CSMD1: variants seen among roughly 807,000 people sequenced by gnomAD.
CSMD1 encodes CUB and Sushi multiple domains 1, also known as CUB and sushi domain-containing protein 1.
CSMD1 carries 213 observed loss-of-function variants against 417.5 expected under a neutral mutation model. That is an observed-to-expected ratio of 0.51 (90% CI 0.46 to 0.57). CSMD1 has a LOEUF of 0.57. Among genes scored for constraint, CSMD1 ranks in the 20% least tolerant of loss-of-function variants. CSMD1 has a pLI of 0.00. For synonymous variants in CSMD1, 2,862 were observed against 1,736.8 expected (o/e 1.65, Z -16.11); for missense variants, 6,923 against 4,529.7 (o/e 1.53, Z -15.17).
intron 5 of CSMD1, among the ~76,000 whole-genome samples, chr8:3,845,870 A>G (rs935469624): frequency 1.3e-5 from 2 of 151,902 alleles, no homozygotes; most frequent in African/African-American, 2.4e-5. Flanking sequence ...GTTAAAAATG[A>G]AGACACAAAC....
At chr8:4,183,232 C>G (rs1270947226) in intron 3 of CSMD1, among the ~76,000 whole-genome samples, 1 of 152,008 alleles carries the variant, frequency 6.6e-6, no homozygotes, top group Non-Finnish European at 1.5e-5. Flanking sequence ...TGGAGAAGAT[C>G]ATCTCTAAGA....
intron 26 of CSMD1, among the ~76,000 whole-genome samples, chr8:3,243,978 T>G (rs907601969): frequency 2.0e-5 from 3 of 152,196 alleles, no homozygotes; most frequent in Admixed American, 2.0e-4. Context: ...GTACGTTTGC[T>G]TAGCATACGC....
intron 1 of CSMD1, among the ~76,000 whole-genome samples, chr8:4,660,431 A>G (rs1392648804): frequency 1.1e-4 from 16 of 152,224 alleles, no homozygotes; most frequent in African/African-American, 3.1e-4. Context: ...TAAACATAGG[A>G]AAGATATCAA....
chr8:4,704,170 C>G (rs1432984795), intron 1 of CSMD1, among the ~76,000 whole-genome samples: 2 of 152,204 alleles, frequency 1.3e-5, no homozygotes, highest in Non-Finnish European at 2.9e-5. Context: ...GCCCCAGTCT[C>G]TATTAACACG....
intron 1 of CSMD1, among the ~76,000 whole-genome samples, chr8:4,698,636 T>C (rs961691966): frequency 6.6e-6 from 1 of 150,938 alleles, no homozygotes; most frequent in African/African-American, 2.4e-5. Context: ...GGAAGTTTAA[T>C]AGGCAAGAAG....
intron 3 of CSMD1, among the ~76,000 whole-genome samples, chr8:4,077,305 A>ATATATATATG (rs1799879533): frequency 1.5e-5 from 2 of 130,360 alleles, no homozygotes; most frequent in African/African-American, 5.6e-5. Context: ...GTGTATATAT[A>ATATATATATG]TATATATATA....
At chr8:4,126,056 G>A (rs1039696664) in intron 3 of CSMD1, among the ~76,000 whole-genome samples, 1 of 151,542 alleles carries the variant, frequency 6.6e-6, no homozygotes, top group East Asian at 1.9e-4. Context: ...AATCTGGCCC[G>A]ACCAGTTTTG....
intron 8 of CSMD1, among the ~76,000 whole-genome samples, chr8:3,616,423 A>G (rs1802141003): frequency 6.6e-6 from 1 of 152,184 alleles, no homozygotes; most frequent in Admixed American, 6.5e-5. Flanking sequence ...GACCTCCTCA[A>G]CCATGCTGAA....
chr8:3,166,451 T>A (rs1036807421), intron 37 of CSMD1, among the ~76,000 whole-genome samples: 1 of 152,056 alleles, frequency 6.6e-6, no homozygotes, highest in Non-Finnish European at 1.5e-5. Context: ...GGAGAATCGC[T>A]TGAACCTGGG....
chr8:4,069,513 A>G (rs984287317), intron 3 of CSMD1, among the ~76,000 whole-genome samples: 1 of 152,142 alleles, frequency 6.6e-6, no homozygotes, highest in African/African-American at 2.4e-5. Context: ...GACATTTGCT[A>G]ATGATCGATG....
At chr8:3,631,372 G>A (rs1041041185) in intron 7 of CSMD1, among the ~76,000 whole-genome samples, 1 of 152,178 alleles carries the variant, frequency 6.6e-6, no homozygotes, top group Non-Finnish European at 1.5e-5. Context: ...AAAGCAACAC[G>A]TGAGGTAGTC....
intron 8 of CSMD1, among the ~76,000 whole-genome samples, chr8:3,612,501 T>A (rs1381307895): frequency 1.3e-5 from 2 of 152,142 alleles, no homozygotes; most frequent in Non-Finnish European, 2.9e-5. Flanking sequence ...CACTAAAATA[T>A]GTGTTATTTT....
chr8:3,365,327 G>A lies in CSMD1; in HGVS notation c.3115+1705C>T, dbSNP rs576244917. On this transcript the variant is annotated intron_variant, in intron 20 of 69. Transcript: ENST00000635120. ...TCAGATTAAGATAAATGGCAACTAG[G>A]TAGAATTAGAGGGAGTATAAAGTAG... Among the ~76,000 whole-genome samples, 138 of 152,268 alleles carry A rather than the reference G, an allele frequency of 9.1e-4. 2 individuals are homozygous for A. Among genetic ancestry groups the A allele is most frequent in the South Asian group, 1.7e-3 (8 of 4,826 alleles).
At chr8:3,393,348 G>A (rs1199142626) in intron 17 of CSMD1, among the ~76,000 whole-genome samples, 1 of 152,124 alleles carries the variant, frequency 6.6e-6, no homozygotes, top group Admixed American at 6.5e-5. Context: ...CTTCCAACAA[G>A]GTGGAAAGAA....
intron 1 of CSMD1, among the ~76,000 whole-genome samples, chr8:4,920,954 GAAA>G: frequency 9.8e-5 from 1 of 10,222 alleles, no homozygotes; most frequent in Non-Finnish European, 2.0e-4. Flanking sequence ...AAGAAAGAAA[GAAA>G]GAAAGAAAGA....
chr8:3,978,734 T>C lies in CSMD1; in HGVS notation c.818+19169A>G, dbSNP rs895909158. ...ACTCTGATATTGATGTAAAAAGACA[T>C]ATCCCCAGCATACGACATCAGTGCA... On this transcript the variant is annotated intron_variant, in intron 5 of 69. Coordinates refer to ENST00000635120, the MANE Select transcript of CSMD1 (RefSeq NM_033225.6). Among the ~76,000 whole-genome samples, 4 of 152,250 alleles carry C rather than the reference T, an allele frequency of 2.6e-5. No individual in the cohort carries two copies. The East Asian group carries it at 7.7e-4, about 29-fold the overall frequency.
chr8:4,705,511 C>A (rs951292038), intron 1 of CSMD1, among the ~76,000 whole-genome samples: 1 of 152,184 alleles, frequency 6.6e-6, no homozygotes, highest in African/African-American at 2.4e-5. Context: ...GAAAAGGAAA[C>A]GCGCACAGCC....
At chr8:4,311,425 T>C (rs1798560050) in intron 3 of CSMD1, among the ~76,000 whole-genome samples, 1 of 152,128 alleles carries the variant, frequency 6.6e-6, no homozygotes, top group African/African-American at 2.4e-5. Context: ...ATGTTTCACT[T>C]ATGAGTGGAA....
intron 3 of CSMD1, among the ~76,000 whole-genome samples, chr8:4,138,053 T>A: frequency 4.4e-4 from 2 of 4,532 alleles, no homozygotes; most frequent in Non-Finnish European, 3.1e-3. Context: ...AATTTTTTTT[T>A]TTTTTTTTTT....
Sources: gnomAD v4.1 joint callset for allele counts (sites outside exome capture counted in the v4.1 genomes callset) on GRCh38, gnomAD v4.1.1 for gene constraint, MANE v1.5 for transcripts, NCBI Gene and HGNC (gene_info 2026-07-23, HGNC 2026-07-21) for gene names.